Variants in CDH12 observed in about 807,000 individuals in gnomAD.
CDH12 encodes cadherin 12.
A neutral mutation model predicts 74.1 loss-of-function variants in CDH12; 41 were observed. That is an observed-to-expected ratio of 0.55 (90% CI 0.43 to 0.72). The LOEUF is 0.72. Ranked by LOEUF, CDH12 falls within the 30% of genes least tolerant of loss-of-function variation. The pLI is 0.00. For synonymous variants in CDH12, 399 were observed against 355.0 expected, an observed-to-expected ratio of 1.12 and a Z score of -1.39; for missense variants, 945 against 977.2, an observed-to-expected ratio of 0.97 and a Z score of 0.44.
chr5:22,309,921 C>T (rs892203037), intron 3 of CDH12, among the ~76,000 whole-genome samples: 4 of 140,744 alleles, frequency 2.8e-5, no homozygotes, highest in East Asian at 2.1e-4. Flanking sequence ...CAAATTCTGC[C>T]GTTAATAAAT....
At chr5:22,118,841 C>T (rs960536689) in intron 4 of CDH12, among the ~76,000 whole-genome samples, 1 of 151,986 alleles carries the variant, frequency 6.6e-6, no homozygotes, top group African/African-American at 2.4e-5. Context: ...ATTCTTATTA[C>T]CCTAATTGCT....
chr5:22,814,895 T>A (rs955727595), intron 1 of CDH12, among the ~76,000 whole-genome samples: 1 of 152,206 alleles, frequency 6.6e-6, no homozygotes, highest in Non-Finnish European at 1.5e-5. Context: ...AGGAGTTTTT[T>A]CTTAACTATA....
chr5:22,251,131 G>A (rs995473488), intron 3 of CDH12, among the ~76,000 whole-genome samples: 1 of 152,286 alleles, frequency 6.6e-6, no homozygotes, highest in Middle Eastern at 3.4e-3. Context: ...GCTAAAGGTG[G>A]CAGATAAAAA....
chr5:22,680,395 GTAT>G (rs1335680555), intron 1 of CDH12, among the ~76,000 whole-genome samples: 2 of 151,900 alleles, frequency 1.3e-5, no homozygotes, highest in East Asian at 1.9e-4. Context: ...TTGATCTTTT[GTAT>G]TATTATTAAT....
chr5:22,096,769 T>G (rs2150244820), intron 4 of CDH12, among the ~76,000 whole-genome samples: 1 of 152,178 alleles, frequency 6.6e-6, no homozygotes, highest in Middle Eastern at 3.4e-3. Context: ...TCATGGCCCC[T>G]TTAGCAGCAA....
chr5:22,147,256 T>C lies in CDH12; in HGVS notation c.-187+65242A>G, dbSNP rs71609245. On this transcript the variant is annotated intron_variant, in intron 4 of 14. Coordinates refer to ENST00000382254, the MANE Select transcript of CDH12 (RefSeq NM_004061.5). ...ACAATGGCCATTTTCGTTTTTATCT[T>C]GAGGATCACATTGGGCATTTGTCTC... 2.0e-3 allele frequency among the ~76,000 whole-genome samples: 305 copies of C among 152,322 alleles called. 1 individual carries two copies. The highest frequency in any genetic ancestry group is 6.9e-3 in the African/African-American group (288 of 41,566).
At chr5:21,884,355 G>A (rs1289785565) in intron 6 of CDH12, 20 of 974,200 alleles carry the variant, frequency 2.1e-5, no homozygotes, top group Non-Finnish European at 3.2e-5. Flanking sequence ...ACTGTGACAG[G>A]AAGCCCAAGG....
At chr5:22,264,598 G>C (rs528168111) in intron 3 of CDH12, among the ~76,000 whole-genome samples, 1 of 152,256 alleles carries the variant, frequency 6.6e-6, no homozygotes, top group Admixed American at 6.5e-5. Flanking sequence ...GTTGTGAGGA[G>C]ATATGATTGG....
At chr5:21,759,210 T>A (rs948319225) in intron 13 of CDH12, among the ~76,000 whole-genome samples, 80 of 152,266 alleles carry the variant, frequency 5.3e-4, no homozygotes, top group African/African-American at 1.8e-3. Flanking sequence ...AAGTATAATG[T>A]TTCTATTCTT....
chr5:21,801,645 ACT>A (rs1480582936), intron 10 of CDH12, among the ~76,000 whole-genome samples: 1 of 152,096 alleles, frequency 6.6e-6, no homozygotes, highest in African/African-American at 2.4e-5. Context: ...TCTAGGACTG[ACT>A]CTAACTGTGT....
intron 4 of CDH12, among the ~76,000 whole-genome samples, chr5:22,136,907 T>C (rs1476254079): frequency 5.3e-5 from 8 of 151,720 alleles, no homozygotes; most frequent in Non-Finnish European, 1.0e-4. Context: ...AATAAATAAT[T>C]AAATAAATTA....
chr5:21,759,547 T>C (rs1744596444), intron 13 of CDH12, among the ~76,000 whole-genome samples: 1 of 152,110 alleles, frequency 6.6e-6, no homozygotes, highest in Non-Finnish European at 1.5e-5. Context: ...TAATAAAAAA[T>C]ATTATGAGGT....
intron 8 of CDH12, among the ~76,000 whole-genome samples, chr5:21,829,700 C>T (rs1209569058): frequency 6.6e-6 from 1 of 152,168 alleles, no homozygotes; most frequent in East Asian, 1.9e-4. Flanking sequence ...GCTTTCACAT[C>T]TGTGACTAAA....
At chr5:22,589,734 G>A (rs1237596641) in intron 1 of CDH12, among the ~76,000 whole-genome samples, 1 of 152,058 alleles carries the variant, frequency 6.6e-6, no homozygotes, top group African/African-American at 2.4e-5. Context: ...GCATTTCAGT[G>A]TTAGAGCACC....
chr5:21,960,261 T>C (rs1332760626), intron 6 of CDH12, among the ~76,000 whole-genome samples: 1 of 152,194 alleles, frequency 6.6e-6, no homozygotes, highest in Non-Finnish European at 1.5e-5. Flanking sequence ...ACATGGCACA[T>C]GCTCTAAAAT....
chr5:22,270,922 C>T (rs1281435978), intron 3 of CDH12, among the ~76,000 whole-genome samples: 1 of 152,078 alleles, frequency 6.6e-6, no homozygotes, highest in Admixed American at 6.6e-5. Flanking sequence ...GATCTACCTG[C>T]CTCGGCCTCC....
intron 3 of CDH12, among the ~76,000 whole-genome samples, chr5:22,292,380 C>T (rs1158999687): frequency 8.2e-6 from 1 of 122,682 alleles, no homozygotes; most frequent in African/African-American, 3.2e-5. Context: ...CCAAGAAAAG[C>T]AAAAATAGAC....
chr5:22,520,121 C>T (rs920789059), intron 1 of CDH12, among the ~76,000 whole-genome samples: 2 of 152,076 alleles, frequency 1.3e-5, no homozygotes, highest in African/African-American at 2.4e-5. Flanking sequence ...AAAGAAAAAA[C>T]ACTAAAGCAA....
chr5:21,826,690 G>A (rs763584881), intron 8 of CDH12, among the ~76,000 whole-genome samples: 1 of 152,242 alleles, frequency 6.6e-6, no homozygotes, highest in South Asian at 2.1e-4. Context: ...GTGTCAACAT[G>A]AAGGAAACGA....
Sources: allele counts gnomAD v4.1 joint callset (sites outside exome capture counted in the v4.1 genomes callset), GRCh38; gene constraint gnomAD v4.1.1; transcripts MANE v1.5; gene names NCBI Gene and HGNC (gene_info 2026-07-23, HGNC 2026-07-21).